COG6: variants seen among roughly 807,000 people sequenced by gnomAD.
COG6 encodes conserved oligomeric Golgi complex subunit 6.
COG6 carries 74 observed loss-of-function variants against 88.8 expected under a neutral mutation model. The observed-to-expected ratio is 0.83, with a 90% CI of 0.69 to 1.01. COG6 has a LOEUF of 1.01. COG6 is among the 50% of genes least tolerant of loss of function. The pLI, the probability that COG6 is intolerant of heterozygous loss-of-function variation, is 0.00. For missense variants in COG6, 800 were observed against 797.9 expected, an observed-to-expected ratio of 1.00 and a Z score of -0.03; for synonymous variants, 286 against 278.7, an observed-to-expected ratio of 1.03 and a Z score of -0.26.
At chr13:39,784,473 T>C (rs1455486058) in intron 18 of COG6, among the ~76,000 whole-genome samples, 1 of 152,224 alleles carries the variant, frequency 6.6e-6, no homozygotes, top group Non-Finnish European at 1.5e-5. Flanking sequence ...GCATTGGATA[T>C]AGAAGTCAAC....
chr13:39,689,703 A>G lies in COG6; in HGVS notation c.1010-57A>G, dbSNP rs541901647. On this transcript the variant is annotated intron_variant, in intron 10 of 18. Transcript: ENST00000455146. ...TATTATTTGTTAGTTTTTTGAACTTATATGAAGCAAAGTATAATATGGAAA... is the reference window on the plus strand; with the variant it reads ...TATTATTTGTTAGTTTTTTGAACTTGTATGAAGCAAAGTATAATATGGAAA... 2.0e-4 allele frequency: 249 copies of G among 1,234,442 alleles called. 2 individuals are homozygous for G. In the African/African-American group the frequency reaches 3.5e-3, roughly 17 times the overall value. 76.5% of individuals were successfully genotyped at this position (1,234,442 alleles called of 1,614,324 possible). A position where few individuals can be genotyped will look rare whatever the true frequency, so the allele number is the denominator to read the frequency against.
chr13:39,658,182 G>A (rs1015289507), intron 1 of COG6, among the ~76,000 whole-genome samples: 4 of 145,762 alleles, frequency 2.7e-5, no homozygotes, highest in Admixed American at 1.4e-4. Flanking sequence ...TCACTCTGTC[G>A]CCCAGGCTGG....
intron 8 of COG6, among the ~76,000 whole-genome samples, chr13:39,685,177 A>G (rs1876566490): frequency 6.6e-6 from 1 of 152,140 alleles, no homozygotes; most frequent in Admixed American, 6.5e-5. Context: ...AATTTTTAAA[A>G]TGAGACTTTT....
chr13:39,760,966 C>A (rs949315430), intron 18 of COG6, among the ~76,000 whole-genome samples: 38 of 151,688 alleles, frequency 2.5e-4, no homozygotes, highest in African/African-American at 9.2e-4. Context: ...ATCTAGAGTG[C>A]CTTAGCCATT....
chr13:39,774,596 A>G (rs9576899), intron 18 of COG6, among the ~76,000 whole-genome samples: 10,624 of 151,044 alleles, frequency 0.07, 999 homozygotes, highest in East Asian at 0.35. Flanking sequence ...TTTTTTTGAG[A>G]CAGAGTCTCG....
At chr13:39,776,517 G>A (rs764308532) in intron 18 of COG6, among the ~76,000 whole-genome samples, 30 of 152,258 alleles carry the variant, frequency 2.0e-4, no homozygotes, top group Non-Finnish European at 3.5e-4. Context: ...GCCTGGTAAC[G>A]TTAACTAAGT....
chr13:39,689,819 C>T lies in COG6; in HGVS notation c.1069C>T (p.Leu357=). The T allele has an allele frequency of 1.2e-6, 2 of 1,607,268 alleles. No individual in the cohort carries two copies. The highest frequency in any genetic ancestry group is 1.1e-5 in the South Asian group (1 of 90,714). Residue 357 remains leucine (L), a synonymous_variant, in exon 11 of 19, where the codon CTA becomes TTA. Transcript: ENST00000455146. The stretch of plus-strand genomic sequence containing the variant: ...TATCACTGAAGGTGTGTGCAGGCCT[C>T]TAAAGGTAAAATATTTTGTTTTTAC... ...GHITEGVCRP[L]KVRIEQVIVA... is the part of the protein sequence containing the mutation.
chr13:39,728,103 GA>G (rs948624225), intron 18 of COG6, among the ~76,000 whole-genome samples: 22 of 152,000 alleles, frequency 1.4e-4, no homozygotes, highest in African/African-American at 5.1e-4. Flanking sequence ...CTATAGGTAA[GA>G]AATTAGGCAA....
intron 14 of COG6, 135 bp downstream of exon 14, chr13:39,719,502 A>G (rs1878729576): frequency 2.6e-6 from 3 of 1,160,794 alleles, no homozygotes; most frequent in Non-Finnish European, 3.7e-6. Context: ...ATATTAAACC[A>G]GTTATCATAA....
intron 18 of COG6, among the ~76,000 whole-genome samples, chr13:39,764,067 T>A (rs1881097932): frequency 6.6e-6 from 1 of 151,834 alleles, no homozygotes. Flanking sequence ...TAATTAAAAA[T>A]CCCATTTTCT....
intron 8 of COG6, among the ~76,000 whole-genome samples, chr13:39,684,253 T>TTTTTTTTTTTTTG (rs1876498212): frequency 1.1e-5 from 1 of 90,710 alleles, no homozygotes; most frequent in Non-Finnish European, 2.5e-5. Flanking sequence ...ATTTTTTTTT[T>TTTTTTTTTTTTTG]TTTTTTTTTT....
chr13:39,788,349 GC>G lies in COG6; in HGVS notation c.1844del (p.Pro615HisfsTer49). 1 of 1,551,786 alleles carries G rather than the reference GC, an allele frequency of 6.4e-7. No homozygotes were observed. The highest frequency in any genetic ancestry group is 8.7e-7 in the Non-Finnish European group (1 of 1,146,826). ...TTTGCTCACAGGCGTCCACCCAACGGCCCATGATCATCTTGTAACCAGTGCA... is the reference window on the plus strand; with the variant it reads ...TTTGCTCACAGGCGTCCACCCAACGGCCATGATCATCTTGTAACCAGTGCA... On this transcript the variant is annotated frameshift_variant, in exon 19 of 19. Coordinates refer to the COG6 transcript ENST00000416691. LOFTEE classifies it high-confidence loss of function.
intron 11 of COG6, among the ~76,000 whole-genome samples, chr13:39,692,599 C>T (rs913885057): frequency 6.6e-6 from 1 of 151,802 alleles, no homozygotes; most frequent in African/African-American, 2.4e-5. Context: ...CTTTTTTAGT[C>T]CTCCCTTCTT....
chr13:39,719,601 A>T, intron 14 of COG6, 59 bp from the exon 15 acceptor site: 1 of 1,496,430 alleles, frequency 6.7e-7, no homozygotes, highest in African/African-American at 1.4e-5. Context: ...AAATATCATT[A>T]ACCCAAGACC....
chr13:39,675,121 G>A (rs868138698), intron 4 of COG6, among the ~76,000 whole-genome samples: 13 of 151,954 alleles, frequency 8.6e-5, no homozygotes, highest in Admixed American at 3.3e-4. Flanking sequence ...TACAGTGATT[G>A]CACAAACATA....
rs184982205 is a variant in COG6 at position 39,721,143 on chromosome 13, T to C, written c.1584+1316T>C. ...AATTCAAGCCCAAATCCCTGCCATT[T>C]ATCTAAATCTTAAGATGTTAAGATA... is the stretch of plus-strand genomic sequence containing the variant. On this transcript the variant is annotated intron_variant, in intron 15 of 18. Transcript: ENST00000455146. 9.9e-5 allele frequency among the ~76,000 whole-genome samples: 15 copies of C among 152,248 alleles called. No individual in the cohort carries two copies. The East Asian group carries it at 2.7e-3, about 27-fold the overall frequency.
chr13:39,665,023 A>C, intron 3 of COG6, 73 bp from the exon 4 acceptor site: 1 of 762,672 alleles, frequency 1.3e-6, no homozygotes, highest in Non-Finnish European at 2.4e-6. Flanking sequence ...AAATTGCAGT[A>C]AGTGGTAGTA....
intron 13 of COG6, among the ~76,000 whole-genome samples, chr13:39,701,679 T>C (rs962155312): frequency 6.6e-6 from 1 of 151,950 alleles, no homozygotes; most frequent in Non-Finnish European, 1.5e-5. Flanking sequence ...TCTTTGGCAA[T>C]ATATATGTGA....
chr13:39,722,239 CTTTG>C (rs1419122080), intron 15 of COG6, among the ~76,000 whole-genome samples: 2 of 151,328 alleles, frequency 1.3e-5, no homozygotes, highest in Non-Finnish European at 2.9e-5. Flanking sequence ...CCTTTGCGCA[CTTTG>C]TTTTTCTTTG....
Sources: allele counts gnomAD v4.1 joint callset (sites outside exome capture counted in the v4.1 genomes callset), GRCh38; gene constraint gnomAD v4.1.1; transcripts MANE v1.5; gene names NCBI Gene and HGNC (gene_info 2026-07-23, HGNC 2026-07-21).